The following DLG2 variants were observed in gnomAD, a reference collection of about 807,000 sequenced individuals.
The protein encoded by DLG2 is discs large MAGUK scaffold protein 2.
DLG2 carries 45 observed loss-of-function variants against 132.5 expected under a neutral mutation model. The ratio of observed to expected loss-of-function variants is 0.34; its 90% CI spans 0.27 to 0.44. The LOEUF is 0.44. DLG2 is among the 20% of genes least tolerant of loss of function. The pLI is 1.00. For missense variants in DLG2, 1,045 were observed against 1,196.9 expected (o/e 0.87, Z 1.87); for synonymous variants, 424 against 419.6 (o/e 1.01, Z -0.13).
chr11:83,505,848 T>C (rs1468749778), intron 21 of DLG2, among the ~76,000 whole-genome samples: 1 of 152,192 alleles, frequency 6.6e-6, no homozygotes. Context: ...TATCTGGATA[T>C]CGTGCAGAAT....
At chr11:84,063,917 A>T (rs1337259218) in intron 10 of DLG2, among the ~76,000 whole-genome samples, 1 of 151,216 alleles carries the variant, frequency 6.6e-6, no homozygotes, top group South Asian at 2.1e-4. Flanking sequence ...GAACAATGAG[A>T]ACACATGGAC....
chr11:84,257,594 A>G (rs2097493545), intron 7 of DLG2, among the ~76,000 whole-genome samples: 1 of 152,132 alleles, frequency 6.6e-6, no homozygotes. Flanking sequence ...AATAGCTGGT[A>G]AATCTTCAAA....
Position 83,761,676 on chromosome 11 carries a change from T to C in DLG2, c.1825+25014A>G, listed in dbSNP as rs115406028. ...CTCCTTCTGATTGAATGCAAATGGC[T>C]ACATAGACATCTCTAATCCCCCTGT... On this transcript the variant is annotated intron_variant, in intron 18 of 27. Transcript: ENST00000376104. 1.6e-3 allele frequency among the ~76,000 whole-genome samples: 248 copies of C among 152,264 alleles called. 1 individual carries two copies. Among genetic ancestry groups the C allele is most frequent in the African/African-American group, 5.9e-3 (246 of 41,542 alleles).
chr11:84,367,034 C>T (rs1189550460), intron 7 of DLG2, among the ~76,000 whole-genome samples: 2 of 152,074 alleles, frequency 1.3e-5, no homozygotes, highest in Admixed American at 6.6e-5. Flanking sequence ...CCACACCACA[C>T]CTATTCCAAA....
At chr11:85,503,157 GATTA>G (rs749307741) in intron 3 of DLG2, among the ~76,000 whole-genome samples, 7 of 152,060 alleles carry the variant, frequency 4.6e-5, no homozygotes, top group Admixed American at 4.6e-4. Flanking sequence ...CTACAGAGGT[GATTA>G]ATTATTACAC....
intron 6 of DLG2, among the ~76,000 whole-genome samples, chr11:84,686,598 C>T (rs1020980988): frequency 1.3e-5 from 2 of 149,702 alleles, no homozygotes; most frequent in African/African-American, 4.9e-5. Flanking sequence ...TTTATTTCAC[C>T]TTGTAACCAA....
At chr11:85,484,812 G>T (rs1423243641) in intron 3 of DLG2, among the ~76,000 whole-genome samples, 7 of 149,480 alleles carry the variant, frequency 4.7e-5, no homozygotes. Context: ...CAGGGATCTA[G>T]AACTAGAAAT....
At chr11:83,989,697 T>G (rs2093594426) in intron 11 of DLG2, among the ~76,000 whole-genome samples, 1 of 152,150 alleles carries the variant, frequency 6.6e-6, no homozygotes, top group South Asian at 2.1e-4. Flanking sequence ...CACACAGGGC[T>G]AATAAAGTCC....
At chr11:83,534,876 G>A (rs1267175886) in intron 20 of DLG2, among the ~76,000 whole-genome samples, 1 of 152,246 alleles carries the variant, frequency 6.6e-6, no homozygotes, top group Non-Finnish European at 1.5e-5. Context: ...CCGGGAGGTG[G>A]AGGTTGCAGT....
At chr11:85,013,315 C>T (rs613265) in intron 6 of DLG2, among the ~76,000 whole-genome samples, 110,184 of 152,078 alleles carry the variant, frequency 0.72, 41,346 homozygotes, top group East Asian at 0.93. Flanking sequence ...TCCCTCTTTC[C>T]TGAACCATGT....
intron 21 of DLG2, among the ~76,000 whole-genome samples, chr11:83,496,278 A>G (rs1328896813): frequency 6.6e-6 from 1 of 151,806 alleles, no homozygotes; most frequent in Non-Finnish European, 1.5e-5. Flanking sequence ...TTCACTTGAT[A>G]CCCACCAGAG....
intron 6 of DLG2, among the ~76,000 whole-genome samples, chr11:84,860,779 A>G (rs182573498): frequency 6.6e-6 from 1 of 152,234 alleles, no homozygotes; most frequent in African/African-American, 2.4e-5. Flanking sequence ...AGAAGATTTA[A>G]CAAAAGATAT....
intron 18 of DLG2, among the ~76,000 whole-genome samples, chr11:83,654,558 A>G (rs1240658929): frequency 6.6e-6 from 1 of 152,094 alleles, no homozygotes; most frequent in African/African-American, 2.4e-5. Context: ...CATTTTTTGT[A>G]TACTTACAAA....
At chr11:85,586,537 G>A (rs2153230852) in intron 3 of DLG2, among the ~76,000 whole-genome samples, 1 of 152,170 alleles carries the variant, frequency 6.6e-6, no homozygotes, top group African/African-American at 2.4e-5. Context: ...GTATTTCCGT[G>A]GTATCAGTTG....
At position 84,899,614 on chromosome 11, in the gene DLG2, C is replaced by T. The variant is rs563662067; in HGVS notation, c.357+212047G>A. Among the ~76,000 whole-genome samples, 14 of 152,068 alleles carry T rather than the reference C, an allele frequency of 9.2e-5. No individual in the cohort carries two copies. In the East Asian group the frequency reaches 2.1e-3, roughly 23 times the overall value. On this transcript the variant is annotated intron_variant, in intron 6 of 27. Coordinates refer to ENST00000376104, the MANE Select transcript of DLG2 (RefSeq NM_001142699.3). Reference sequence around the variant, plus strand: ...ACCAATATTATTGGTTTATATAAACCATTATATTACATAAATGTCAATTTT... The same window carrying T: ...ACCAATATTATTGGTTTATATAAACTATTATATTACATAAATGTCAATTTT...
At chr11:84,714,264 A>T (rs1339172920) in intron 6 of DLG2, among the ~76,000 whole-genome samples, 1 of 152,114 alleles carries the variant, frequency 6.6e-6, no homozygotes, top group African/African-American at 2.4e-5. Context: ...GACAAAAAAT[A>T]TGCATAATGA....
chr11:85,330,982 T>C (rs1430545577), intron 3 of DLG2, among the ~76,000 whole-genome samples: 1 of 152,102 alleles, frequency 6.6e-6, no homozygotes, highest in African/African-American at 2.4e-5. Context: ...CACGGTAACA[T>C]GCAGGGATGA....
At chr11:85,132,582 A>G (rs540511889) in intron 5 of DLG2, among the ~76,000 whole-genome samples, 3 of 152,198 alleles carry the variant, frequency 2.0e-5, no homozygotes, top group Admixed American at 2.0e-4. Flanking sequence ...ATATCACTTT[A>G]AGAAGTTAAA....
chr11:84,480,002 T>A (rs1265648610), intron 7 of DLG2, among the ~76,000 whole-genome samples: 1 of 152,112 alleles, frequency 6.6e-6, no homozygotes, highest in African/African-American at 2.4e-5. Flanking sequence ...AGAACTTTAT[T>A]TCCCTTGTTT....
Sources: allele counts gnomAD v4.1 joint callset (sites outside exome capture counted in the v4.1 genomes callset), GRCh38; gene constraint gnomAD v4.1.1; transcripts MANE v1.5; gene names NCBI Gene and HGNC (gene_info 2026-07-23, HGNC 2026-07-21).